Variants in TENM3 observed in about 807,000 individuals in gnomAD.
TENM3 encodes the protein teneurin-3.
Under a neutral mutation model 255.1 loss-of-function variants are expected in TENM3, and 63 were observed. The observed-to-expected ratio is 0.25, with a 90% CI of 0.20 to 0.30. The LOEUF is 0.30. TENM3 is among the 10% of genes least tolerant of loss of function. The probability of loss-of-function intolerance (pLI) is 1.00; values close to 1 mark genes in which losing one functional copy is unlikely to be tolerated. For missense variants in TENM3, 2,929 were observed against 3,461.1 expected (o/e 0.85, Z 3.86); for synonymous variants, 1,306 against 1,322.3 (o/e 0.99, Z 0.27).
chr4:182,242,004 T>TG (rs1263140442), upstream of TENM3, among the ~76,000 whole-genome samples: 1 of 56,642 alleles, frequency 1.8e-5, no homozygotes, highest in Non-Finnish European at 3.1e-5. Context: ...ATTTGCCTTC[T>TG]TTTTTTTTTT....
intron 1 of TENM3, among the ~76,000 whole-genome samples, chr4:182,307,823 C>G (rs942948712): frequency 7.9e-5 from 12 of 152,178 alleles, no homozygotes; most frequent in Non-Finnish European, 1.5e-4. Flanking sequence ...TGGTTTTTAA[C>G]AGTTGTCTAG....
At chr4:181,654,754 CAA>C in the TENM3 span, among the ~76,000 whole-genome samples, 14 of 92,986 alleles carry the variant, frequency 1.5e-4, no homozygotes, top group South Asian at 4.1e-4. Context: ...AACTCCATCT[CAA>C]AAAAAAAAAA....
the TENM3 span, among the ~76,000 whole-genome samples, chr4:181,508,463 A>C: frequency 6.6e-6 from 1 of 152,240 alleles, no homozygotes; most frequent in African/African-American, 2.4e-5. Flanking sequence ...GATGCCTTAC[A>C]AGCAGTATTT....
chr4:182,410,265 A>G (rs1769893188), intron 3 of TENM3, among the ~76,000 whole-genome samples: 1 of 152,266 alleles, frequency 6.6e-6, no homozygotes, highest in Admixed American at 6.5e-5. Flanking sequence ...TAATGTGGTT[A>G]AGTGTATAAT....
At chr4:181,601,976 G>T in the TENM3 span, among the ~76,000 whole-genome samples, 2 of 147,930 alleles carry the variant, frequency 1.4e-5, no homozygotes, top group Non-Finnish European at 3.0e-5. Flanking sequence ...GCTTGTCTTT[G>T]GATGTAGGGT....
At chr4:181,791,208 G>T in the TENM3 span, among the ~76,000 whole-genome samples, 2 of 152,166 alleles carry the variant, frequency 1.3e-5, no homozygotes, top group Non-Finnish European at 2.9e-5. Context: ...AACACGGGCC[G>T]TGCAGCTACT....
At chr4:181,765,967 C>G in the TENM3 span, among the ~76,000 whole-genome samples, 1 of 152,130 alleles carries the variant, frequency 6.6e-6, no homozygotes, top group Non-Finnish European at 1.5e-5. Flanking sequence ...GACAGGAAGT[C>G]AAAAAGCAGC....
intron 1 of TENM3, among the ~76,000 whole-genome samples, chr4:182,175,522 A>G (rs35652636): frequency 0.1 from 15,807 of 152,080 alleles, 1,128 homozygotes; most frequent in Admixed American, 0.21. Flanking sequence ...AGCGTGGCCT[A>G]CTTAAAACAT....
chr4:182,721,427 A>G (rs77792570), intron 13 of TENM3, among the ~76,000 whole-genome samples: 2,630 of 152,244 alleles, frequency 0.017, 92 homozygotes, highest in South Asian at 0.14. Flanking sequence ...CTCATTCTTT[A>G]CAACAGAAAC....
the TENM3 span, among the ~76,000 whole-genome samples, chr4:181,965,364 C>T: frequency 6.6e-6 from 1 of 152,132 alleles, no homozygotes; most frequent in Non-Finnish European, 1.5e-5. Flanking sequence ...TTATCATGGA[C>T]GTTTTCAAGC....
chr4:182,300,149 C>T (rs1199227204), intron 1 of TENM3, among the ~76,000 whole-genome samples: 8 of 152,118 alleles, frequency 5.3e-5, no homozygotes, highest in Non-Finnish European at 2.9e-5. Context: ...TTCCTGACCT[C>T]AAGTGCACAA....
chr4:182,774,776 T>G, intron 23 of TENM3, 142 bp from the exon 24 acceptor site: 1 of 628,172 alleles, frequency 1.6e-6, no homozygotes. Context: ...TCAAAGTTGT[T>G]TTGTTTCTTT....
chr4:181,964,372 T>G, the TENM3 span, among the ~76,000 whole-genome samples: 1 of 152,298 alleles, frequency 6.6e-6, no homozygotes, highest in South Asian at 2.1e-4. Context: ...ATCTGTCTAG[T>G]GGCAGCTACT....
chr4:182,666,749 A>C (rs893476339), intron 6 of TENM3, among the ~76,000 whole-genome samples: 1 of 151,988 alleles, frequency 6.6e-6, no homozygotes, highest in Non-Finnish European at 1.5e-5. Flanking sequence ...ATACCAAAAA[A>C]TTAGCCAGAC....
At chr4:182,783,894 T>C (rs1212311951) in intron 24 of TENM3, among the ~76,000 whole-genome samples, 2 of 152,022 alleles carry the variant, frequency 1.3e-5, no homozygotes, top group African/African-American at 4.8e-5. Context: ...CGAGCCTTGG[T>C]TTTCAGCTCC....
At chr4:181,987,219 T>A in the TENM3 span, among the ~76,000 whole-genome samples, 5 of 152,102 alleles carry the variant, frequency 3.3e-5, no homozygotes, top group Non-Finnish European at 4.4e-5. Flanking sequence ...AAGCCAGAAT[T>A]TGAATCTAGG....
rs559066543 is a variant in TENM3, at chr4:182,754,488, T to C, written c.4121T>C (p.Val1374Ala). ...TTACAGATCACTGAAAATCGTCAAG[T>C]TCGCATTGCTGCTGGACGGCCCATG... is the stretch of plus-strand genomic sequence containing the variant. ...VVLQITENRQVRIAAGRPMHC... is the reference protein window; with the variant it reads ...VVLQITENRQARIAAGRPMHC... The change falls in exon 22 of 28, where the codon GTT (valine) becomes GCT (alanine). Residue 1374 changes from valine to alanine, a missense_variant. By Grantham distance (64) the Val-to-Ala change is moderately conservative. Coordinates refer to ENST00000511685, the MANE Select transcript of TENM3 (RefSeq NM_001080477.4). The surrounding 1 kb of genome is among the most constrained non-coding windows in gnomAD (Gnocchi z 5.1). The C allele has an allele frequency of 6.2e-7, 1 of 1,613,684 alleles. No homozygotes were observed. Among genetic ancestry groups the C allele is most frequent in the South Asian group, 1.1e-5 (1 of 90,944 alleles).
At chr4:182,130,089 A>G in the TENM3 span, among the ~76,000 whole-genome samples, 4 of 152,208 alleles carry the variant, frequency 2.6e-5, no homozygotes, top group African/African-American at 9.6e-5. Flanking sequence ...AGGCAAAGCC[A>G]ACTCTTTTTA....
chr4:181,831,968 TTGTGTGTGTG>T, the TENM3 span, among the ~76,000 whole-genome samples: 4,218 of 132,678 alleles, frequency 0.032, 95 homozygotes, highest in African/African-American at 0.069. Context: ...ATATATTACA[TTGTGTGTGTG>T]TGTGTGTGTG....
Sources: allele counts gnomAD v4.1 joint callset (sites outside exome capture counted in the v4.1 genomes callset), GRCh38; gene constraint gnomAD v4.1.1; non-coding constraint Gnocchi (gnomAD v3.1); transcripts MANE v1.5; gene names NCBI Gene and HGNC (gene_info 2026-07-23, HGNC 2026-07-21).